MYO1D: variants seen among roughly 807,000 people sequenced by gnomAD.
MYO1D encodes myosin ID, also known as unconventional myosin-Id.
A neutral mutation model predicts 122.0 loss-of-function variants in MYO1D; 83 were observed. The ratio of observed to expected loss-of-function variants is 0.68; its 90% CI spans 0.57 to 0.82. MYO1D has a LOEUF of 0.82. MYO1D is among the 40% of genes least tolerant of loss of function. The pLI, the probability that MYO1D is intolerant of heterozygous loss-of-function variation, is 0.00. For missense variants in MYO1D, 1,157 were observed against 1,269.5 expected, an observed-to-expected ratio of 0.91 and a Z score of 1.35; for synonymous variants, 464 against 446.9, an observed-to-expected ratio of 1.04 and a Z score of -0.48.
intron 16 of MYO1D, among the ~76,000 whole-genome samples, chr17:32,699,289 A>G (rs1042424826): frequency 5.3e-5 from 8 of 152,188 alleles, no homozygotes; most frequent in South Asian, 2.1e-4. Context: ...AAAACATTCA[A>G]TTTTTAAAGA....
At chr17:32,770,116 A>G (rs914272153) in intron 6 of MYO1D, among the ~76,000 whole-genome samples, 1 of 152,204 alleles carries the variant, frequency 6.6e-6, no homozygotes, top group Non-Finnish European at 1.5e-5. Flanking sequence ...ATAAAAGTAA[A>G]GTTGTTGTAA....
At chr17:32,575,270 A>G (rs1157264869) in intron 21 of MYO1D, among the ~76,000 whole-genome samples, 3 of 152,244 alleles carry the variant, frequency 2.0e-5, no homozygotes, top group Admixed American at 6.5e-5. Flanking sequence ...TGTAGCTCCA[A>G]TCCGAGGACC....
chr17:32,780,482 T>TA (rs1177797671), intron 2 of MYO1D, 94 bp downstream of exon 2: 4 of 1,341,212 alleles, frequency 3.0e-6, no homozygotes, highest in Non-Finnish European at 3.1e-6. Context: ...CTTCTACCTT[T>TA]AAAAAAATAT....
At chr17:32,519,460 G>C (rs1473821478) in intron 21 of MYO1D, 1 of 152,480 alleles carries the variant, frequency 6.6e-6, no homozygotes, top group Non-Finnish European at 1.5e-5. Context: ...GCACCCGCCG[G>C]GTGGGCTCTG....
chr17:32,622,841 C>A (rs1165128767), intron 20 of MYO1D, among the ~76,000 whole-genome samples: 1 of 152,154 alleles, frequency 6.6e-6, no homozygotes, highest in Non-Finnish European at 1.5e-5. Flanking sequence ...TCATTTTGGG[C>A]CTCAACATTC....
At chr17:32,841,750 G>C (rs577319844) in intron 1 of MYO1D, among the ~76,000 whole-genome samples, 28 of 151,444 alleles carry the variant, frequency 1.8e-4, no homozygotes, top group African/African-American at 6.3e-4. Context: ...TAATAGAGGA[G>C]GATAAGCCCC....
At chr17:32,634,821 C>A (rs1312217276) in intron 20 of MYO1D, among the ~76,000 whole-genome samples, 1 of 152,108 alleles carries the variant, frequency 6.6e-6, no homozygotes, top group East Asian at 1.9e-4. Flanking sequence ...CCTGGCCTAT[C>A]TGAAGCACTT....
chr17:32,577,237 T>G, intron 21 of MYO1D, among the ~76,000 whole-genome samples: 1 of 137,870 alleles, frequency 7.3e-6, no homozygotes, highest in Admixed American at 7.1e-5. Flanking sequence ...GGCGACAGAG[T>G]GGGACTCAGT....
chr17:32,628,643 T>C (rs1291148588), intron 20 of MYO1D, among the ~76,000 whole-genome samples: 7 of 152,152 alleles, frequency 4.6e-5, no homozygotes, highest in East Asian at 1.9e-4. Context: ...TAATTGATAA[T>C]CCAGTGTGTA....
intron 20 of MYO1D, among the ~76,000 whole-genome samples, chr17:32,628,226 A>G (rs762994618): frequency 6.6e-6 from 1 of 152,232 alleles, no homozygotes; most frequent in Non-Finnish European, 1.5e-5. Context: ...AATATTACAT[A>G]CAAATATACC....
chr17:32,722,268 T>C (rs1013302551), intron 14 of MYO1D, among the ~76,000 whole-genome samples: 1 of 152,252 alleles, frequency 6.6e-6, no homozygotes, highest in South Asian at 2.1e-4. Context: ...ATTGCTGCTA[T>C]AGCAGATTAT....
intron 21 of MYO1D, among the ~76,000 whole-genome samples, chr17:32,532,510 G>A (rs1422655699): frequency 6.6e-6 from 1 of 152,266 alleles, no homozygotes; most frequent in East Asian, 1.9e-4. Context: ...GGTGGATCAT[G>A]AGGTCAGGAG....
chr17:32,605,251 G>A lies in MYO1D; in HGVS notation c.2710-10C>T. On this transcript the variant is annotated splice_polypyrimidine_tract_variant and intron_variant, in intron 20 of 21. Transcript: ENST00000318217. The stretch of plus-strand genomic sequence containing the variant: ...CACTCAGACCAGTCAACTGCAAAGA[G>A]AAAATGCATGGAAAACTATTTGGAT... 6.5e-7 allele frequency: 1 copy of A among 1,535,952 alleles called. No individual in the cohort carries two copies. Among genetic ancestry groups the A allele is most frequent in the Non-Finnish European group, 8.9e-7 (1 of 1,128,766 alleles).
intron 16 of MYO1D, among the ~76,000 whole-genome samples, chr17:32,689,025 A>T (rs1260589581): frequency 6.6e-6 from 1 of 152,104 alleles, no homozygotes; most frequent in Non-Finnish European, 1.5e-5. Flanking sequence ...CAAAACGTTA[A>T]CAGTGATTTT....
At position 32,830,623 on chromosome 17, in the gene MYO1D, G is replaced by A. The variant is rs191609450; in HGVS notation, c.95+46155C>T. Among the ~76,000 whole-genome samples the A allele has an allele frequency of 1.3e-3, 203 of 152,160 alleles. 1 individual carries two copies. Among genetic ancestry groups the A allele is most frequent in the African/African-American group, 4.6e-3 (192 of 41,506 alleles). On this transcript the variant is annotated intron_variant, in intron 1 of 21. Coordinates refer to ENST00000318217, the MANE Select transcript of MYO1D (RefSeq NM_015194.3). ...CATTTTTATTCTTTAAAATCATATA[G>A]GCATTTATCTAACCTATATAAGCAG...
At chr17:32,661,145 T>G (rs926416488) in intron 16 of MYO1D, among the ~76,000 whole-genome samples, 1 of 152,266 alleles carries the variant, frequency 6.6e-6, no homozygotes, top group Non-Finnish European at 1.5e-5. Context: ...ACAAGAAACC[T>G]ACTTTATAAA....
At chr17:32,557,567 G>T (rs189983979) in intron 21 of MYO1D, among the ~76,000 whole-genome samples, 2 of 151,878 alleles carry the variant, frequency 1.3e-5, no homozygotes, top group African/African-American at 4.8e-5. Flanking sequence ...GCAGGATCTT[G>T]GGTCACTTCA....
At chr17:32,520,455 G>T (rs976018173) in intron 21 of MYO1D, among the ~76,000 whole-genome samples, 1 of 152,256 alleles carries the variant, frequency 6.6e-6, no homozygotes, top group African/African-American at 2.4e-5. Flanking sequence ...CAAAACGGGG[G>T]CAGGAACATA....
chr17:32,653,034 C>T (rs1168754150), intron 19 of MYO1D, among the ~76,000 whole-genome samples: 10 of 151,510 alleles, frequency 6.6e-5, no homozygotes, highest in African/African-American at 1.2e-4. Context: ...CCCAGCTACT[C>T]GGGAGGCTAA....
Sources: gnomAD v4.1 joint callset for allele counts (sites outside exome capture counted in the v4.1 genomes callset) on GRCh38, gnomAD v4.1.1 for gene constraint, MANE v1.5 for transcripts, NCBI Gene and HGNC (gene_info 2026-07-23, HGNC 2026-07-21) for gene names.